Variants in PHF21A observed in about 807,000 individuals in gnomAD.
PHF21A encodes BHC80a.
A neutral mutation model predicts 82.5 loss-of-function variants in PHF21A; 11 were observed. The observed-to-expected ratio is 0.13, with a 90% confidence interval of 0.08 to 0.22. PHF21A has a LOEUF of 0.22. Among genes scored for constraint, PHF21A ranks in the 10% least tolerant of loss-of-function variants. The probability of loss-of-function intolerance (pLI) is 1.00; values close to 1 mark genes in which losing one functional copy is unlikely to be tolerated. For missense variants in PHF21A, 579 were observed against 837.8 expected (o/e 0.69, Z 3.81); for synonymous variants, 297 against 302.8 (o/e 0.98, Z 0.20).
At chr11:45,995,675 A>T (rs1013676229) in intron 6 of PHF21A, among the ~76,000 whole-genome samples, 2 of 152,230 alleles carry the variant, frequency 1.3e-5, no homozygotes, top group Non-Finnish European at 2.9e-5. Context: ...AGAGTCTGCA[A>T]GACCAGCACA....
intron 6 of PHF21A, among the ~76,000 whole-genome samples, chr11:46,072,596 A>G (rs2096668254): frequency 6.6e-6 from 1 of 152,238 alleles, no homozygotes; most frequent in Non-Finnish European, 1.5e-5. Context: ...TTGGGTTTTC[A>G]GTCATTCACA....
chr11:45,975,377 T>TAAAATAAAACAAAACAAAAC (rs748967157), intron 7 of PHF21A, among the ~76,000 whole-genome samples: 61 of 130,572 alleles, frequency 4.7e-4, no homozygotes, highest in Non-Finnish European at 7.6e-4. Context: ...TAAAATAAAA[T>TAAAATAAAACAAAACAAAAC]AAAACAAAAC....
At chr11:46,087,428 T>C (rs2096869384) in intron 3 of PHF21A, among the ~76,000 whole-genome samples, 1 of 152,226 alleles carries the variant, frequency 6.6e-6, no homozygotes, top group Non-Finnish European at 1.5e-5. Flanking sequence ...GAAGTTTTAT[T>C]CAGCAAGGAC....
At chr11:45,970,950 A>C in intron 8 of PHF21A, 166 bp downstream of exon 8, 1 of 773,544 alleles carries the variant, frequency 1.3e-6, no homozygotes, top group South Asian at 1.9e-5. Flanking sequence ...ATTTGAGCAG[A>C]TAGCAGAAAT....
intron 3 of PHF21A, among the ~76,000 whole-genome samples, chr11:46,085,343 A>C (rs879902972): frequency 4.6e-5 from 7 of 152,172 alleles, no homozygotes; most frequent in South Asian, 2.1e-4. Context: ...ATATAATGGC[A>C]TGTGGAGATA....
intron 6 of PHF21A, among the ~76,000 whole-genome samples, chr11:45,981,950 T>G (rs1461605701): frequency 1.4e-5 from 2 of 141,350 alleles, no homozygotes; most frequent in Non-Finnish European, 3.1e-5. Context: ...CTTTTTTTTT[T>G]TTTTTTTTTT....
chr11:46,108,567 G>GTATATA (rs146891624), intron 1 of PHF21A, among the ~76,000 whole-genome samples: 14,017 of 62,054 alleles, frequency 0.23, 1,390 homozygotes, highest in East Asian at 0.52. Flanking sequence ...GTGTGTGTGT[G>GTATATA]TATATATATA....
At chr11:46,006,784 C>T (rs755808954) in intron 6 of PHF21A, among the ~76,000 whole-genome samples, 1 of 152,162 alleles carries the variant, frequency 6.6e-6, no homozygotes, top group Non-Finnish European at 1.5e-5. Context: ...ATAAAAATGG[C>T]ACAAAAATAT....
At chr11:46,095,741 TAAAC>T (rs1271700275) in intron 1 of PHF21A, among the ~76,000 whole-genome samples, 17 of 152,180 alleles carry the variant, frequency 1.1e-4, no homozygotes, top group Admixed American at 1.1e-3. Context: ...GAATCTGTAT[TAAAC>T]AAAACTTGCA....
At chr11:46,045,686 G>T (rs1284035054) in intron 6 of PHF21A, among the ~76,000 whole-genome samples, 2 of 152,058 alleles carry the variant, frequency 1.3e-5, no homozygotes, top group Non-Finnish European at 2.9e-5. Context: ...AAAGAGAAGG[G>T]GCCTAACTTC....
At chr11:46,044,265 G>A (rs551791257) in intron 6 of PHF21A, among the ~76,000 whole-genome samples, 1 of 151,772 alleles carries the variant, frequency 6.6e-6, no homozygotes, top group African/African-American at 2.4e-5. Flanking sequence ...GCTTTATTGA[G>A]AATACATTAT....
At chr11:46,043,686 AG>A (rs1319481247) in intron 6 of PHF21A, among the ~76,000 whole-genome samples, 1 of 152,140 alleles carries the variant, frequency 6.6e-6, no homozygotes, top group Admixed American at 6.6e-5. Flanking sequence ...CTTCTGGTGA[AG>A]TATGAATATT....
At chr11:46,080,600 C>T (rs1292299239) in intron 4 of PHF21A, among the ~76,000 whole-genome samples, 1 of 152,182 alleles carries the variant, frequency 6.6e-6, no homozygotes, top group Non-Finnish European at 1.5e-5. Flanking sequence ...CTTAAATCCA[C>T]ATTGTAGTTT....
chr11:46,053,097 T>G (rs1169182422), intron 6 of PHF21A, among the ~76,000 whole-genome samples: 2 of 152,180 alleles, frequency 1.3e-5, no homozygotes, highest in African/African-American at 4.8e-5. Flanking sequence ...AACTGAACTA[T>G]TAGGATTACA....
At position 46,021,964 on chromosome 11, in the gene PHF21A, T is replaced by C. The variant is rs566755078; in HGVS notation, c.154-41998A>G. The stretch of plus-strand genomic sequence containing the variant: ...ACAGAAAATACAGGCATTGCACTAG[T>C]AGGAAAGGAAAAGATCTGTGTGTGT... On this transcript the variant is annotated intron_variant, in intron 6 of 18. Transcript: ENST00000676320. Among the ~76,000 whole-genome samples, 3 of 151,964 alleles carry C rather than the reference T, an allele frequency of 2.0e-5. No homozygotes were observed. In the East Asian group the frequency reaches 5.8e-4, roughly 30 times the overall value.
intron 9 of PHF21A, among the ~76,000 whole-genome samples, chr11:45,967,558 A>C (rs1350649677): frequency 6.6e-6 from 1 of 152,224 alleles, no homozygotes; most frequent in Non-Finnish European, 1.5e-5. Flanking sequence ...TTCTATGCCA[A>C]GGTGGCTTTC....
chr11:46,025,842 G>A (rs978626678), intron 6 of PHF21A, among the ~76,000 whole-genome samples: 1 of 152,322 alleles, frequency 6.6e-6, no homozygotes, highest in Non-Finnish European at 1.5e-5. Context: ...GATGGAGCAA[G>A]TATAGGTGAT....
chr11:46,029,549 G>A (rs1028388038), intron 6 of PHF21A, among the ~76,000 whole-genome samples: 9 of 152,150 alleles, frequency 5.9e-5, no homozygotes, highest in South Asian at 2.1e-4. Context: ...TTAGCTGGGC[G>A]TGGTAGCGCA....
intron 1 of PHF21A, among the ~76,000 whole-genome samples, chr11:46,107,400 T>G (rs1005702320): frequency 1.3e-5 from 2 of 152,166 alleles, no homozygotes; most frequent in African/African-American, 2.4e-5. Flanking sequence ...TAAAATACTC[T>G]GTAGGACATG....
Sources: allele counts gnomAD v4.1 joint callset (sites outside exome capture counted in the v4.1 genomes callset), GRCh38; gene constraint gnomAD v4.1.1; transcripts MANE v1.5; gene names NCBI Gene and HGNC (gene_info 2026-07-23, HGNC 2026-07-21).